FRMD6: variants seen among roughly 807,000 people sequenced by gnomAD.
The protein encoded by FRMD6 is FERM domain-containing protein 6.
A neutral mutation model predicts 73.2 loss-of-function variants in FRMD6; 37 were observed. The ratio of observed to expected loss-of-function variants is 0.51; its 90% CI spans 0.39 to 0.66. The LOEUF (loss-of-function observed/expected upper bound fraction) is 0.66. Among genes scored for constraint, FRMD6 ranks in the 30% least tolerant of loss-of-function variants. The probability of loss-of-function intolerance (pLI) is 0.00; values close to 1 mark genes in which losing one functional copy is unlikely to be tolerated. For synonymous variants in FRMD6, 273 were observed against 282.2 expected (o/e 0.97, Z 0.33); for missense variants, 714 against 780.5 (o/e 0.91, Z 1.02).
At chr14:51,502,841 T>C (rs1488484487) in intron 1 of FRMD6, among the ~76,000 whole-genome samples, 1 of 152,188 alleles carries the variant, frequency 6.6e-6, no homozygotes, top group East Asian at 1.9e-4. Context: ...ATGGAATGTT[T>C]TTCCATTTGT....
At chr14:51,660,831 G>A (rs1893171384) in intron 1 of FRMD6, among the ~76,000 whole-genome samples, 1 of 152,100 alleles carries the variant, frequency 6.6e-6, no homozygotes. Flanking sequence ...ACTGAGAAGA[G>A]GGCTTGAAGG....
intron 7 of FRMD6, among the ~76,000 whole-genome samples, chr14:51,708,550 C>G (rs936715818): frequency 3.9e-5 from 6 of 152,050 alleles, no homozygotes; most frequent in African/African-American, 1.4e-4. Context: ...ATCTGCTTTT[C>G]TGCTTTGGGG....
chr14:51,551,625 T>C (rs1886844608), intron 1 of FRMD6, among the ~76,000 whole-genome samples: 1 of 151,962 alleles, frequency 6.6e-6, no homozygotes, highest in African/African-American at 2.4e-5. Context: ...TAGTCCCAGC[T>C]ACTTGGGGGG....
intron 11 of FRMD6, 63 bp downstream of exon 11, chr14:51,720,453 C>A: frequency 6.7e-7 from 1 of 1,484,156 alleles, no homozygotes; most frequent in South Asian, 1.2e-5. Context: ...AGCATTGGTT[C>A]TATAGAACTG....
upstream of FRMD6, among the ~76,000 whole-genome samples, chr14:51,649,121 T>A (rs1261875210): frequency 6.6e-6 from 1 of 152,184 alleles, no homozygotes; most frequent in Non-Finnish European, 1.5e-5. Context: ...CTTTCTCAGC[T>A]CCCCTTCCAT....
intron 7 of FRMD6, 137 bp downstream of exon 7, chr14:51,708,370 A>C (rs1594766670): frequency 1.1e-6 from 1 of 873,208 alleles, no homozygotes; most frequent in African/African-American, 1.7e-5. Flanking sequence ...GTTTCATTGA[A>C]CTGCTTTTTG....
intron 1 of FRMD6, among the ~76,000 whole-genome samples, chr14:51,538,143 A>G (rs1886000945): frequency 6.6e-6 from 1 of 152,062 alleles, no homozygotes; most frequent in Non-Finnish European, 1.5e-5. Flanking sequence ...TTTGCATTTT[A>G]CTTTCAGATT....
chr14:51,710,595 G>A (rs1896888404), intron 7 of FRMD6, among the ~76,000 whole-genome samples: 1 of 152,062 alleles, frequency 6.6e-6, no homozygotes, highest in South Asian at 2.1e-4. Flanking sequence ...AGTAGAAATA[G>A]GCTGTGTCTT....
At chr14:51,564,502 C>T (rs1310198372) in intron 1 of FRMD6, among the ~76,000 whole-genome samples, 1 of 152,106 alleles carries the variant, frequency 6.6e-6, no homozygotes, top group African/African-American at 2.4e-5. Flanking sequence ...GATTAAGCGG[C>T]CTCCATTTTG....
At chr14:51,678,522 C>T (rs1450888765) in intron 1 of FRMD6, among the ~76,000 whole-genome samples, 1 of 152,096 alleles carries the variant, frequency 6.6e-6, no homozygotes, top group Non-Finnish European at 1.5e-5. Context: ...ACGCTGACTC[C>T]CATTGTGGGG....
At chr14:51,465,430 C>T in the FRMD6 span, among the ~76,000 whole-genome samples, 5 of 152,128 alleles carry the variant, frequency 3.3e-5, no homozygotes, top group Non-Finnish European at 1.5e-5. Context: ...CTTCACAGCC[C>T]CTCCAACCTC....
At chr14:51,418,486 G>A in the FRMD6 span, among the ~76,000 whole-genome samples, 1 of 152,172 alleles carries the variant, frequency 6.6e-6, no homozygotes, top group African/African-American at 2.4e-5. Context: ...CACCAGTAGA[G>A]GCTGCAGAAC....
At chr14:51,493,201 G>A (rs919487850) in intron 1 of FRMD6, among the ~76,000 whole-genome samples, 7 of 152,120 alleles carry the variant, frequency 4.6e-5, no homozygotes, top group Non-Finnish European at 8.8e-5. Context: ...TCATCTATTT[G>A]TATCACTTTA....
chr14:51,579,507 A>G (rs1596646144), intron 2 of FRMD6, among the ~76,000 whole-genome samples: 2 of 152,208 alleles, frequency 1.3e-5, no homozygotes, highest in East Asian at 3.9e-4. Flanking sequence ...ATAACTTCTC[A>G]CCAATAATGT....
Position 51,730,528 on chromosome 14 carries a change from C to G in FRMD6, c.*2499C>G, listed in dbSNP as rs1404503836. The G allele has an allele frequency of 6.6e-6, 1 of 152,560 alleles. No homozygotes were observed. The highest frequency in any genetic ancestry group is 2.4e-5 in the African/African-American group (1 of 41,424). 9.5% of individuals were successfully genotyped at this position (152,560 alleles called of 1,614,324 possible). On this transcript the variant is annotated 3_prime_UTR_variant, in exon 14 of 14. Transcript: ENST00000344768. ...GTATACCCGTTTTGGTATATATTGC[C>G]TCTGCACATCTACATTTGTATATGC...
chr14:51,480,529 G>T, the FRMD6 span, among the ~76,000 whole-genome samples: 1 of 152,142 alleles, frequency 6.6e-6, no homozygotes, highest in African/African-American at 2.4e-5. Flanking sequence ...TCCAGGACTG[G>T]AATCATCTAT....
At chr14:51,429,725 G>C in the FRMD6 span, among the ~76,000 whole-genome samples, 1 of 152,178 alleles carries the variant, frequency 6.6e-6, no homozygotes, top group Non-Finnish European at 1.5e-5. Flanking sequence ...TCTTGGGCAA[G>C]TCATGTATAT....
intron 1 of FRMD6, among the ~76,000 whole-genome samples, chr14:51,523,862 A>C (rs542429777): frequency 2.6e-5 from 4 of 152,252 alleles, no homozygotes; most frequent in African/African-American, 9.6e-5. Context: ...AGTGTGCTCT[A>C]TAACAGTGTT....
At position 51,708,216 on chromosome 14, in the gene FRMD6, T is replaced by C; in HGVS notation, c.697T>C (p.Tyr233His). ...AVRLDDVAVH[Y>H]YRLYKDKREI... ...CCGACTGGATGACGTCGCTGTTCAT[T>C]ACTACAGATTGTATAAGGTATGAAA... Residue 233 changes from tyrosine to histidine, a missense_variant, in exon 7 of 14, where the codon TAC (tyrosine) becomes CAC (histidine). Transcript: ENST00000344768. The C allele has an allele frequency of 2.5e-6, 4 of 1,613,016 alleles. No individual in the cohort carries two copies. Among genetic ancestry groups the C allele is most frequent in the Non-Finnish European group, 3.4e-6 (4 of 1,179,326 alleles).
Sources: allele counts gnomAD v4.1 joint callset (sites outside exome capture counted in the v4.1 genomes callset), GRCh38; gene constraint gnomAD v4.1.1; transcripts MANE v1.5; gene names NCBI Gene and HGNC (gene_info 2026-07-23, HGNC 2026-07-21).